The following PTGER3 variants were observed in gnomAD, a reference collection of about 807,000 sequenced individuals.
The protein encoded by PTGER3 is prostaglandin E2 receptor EP3 subtype.
PTGER3 carries 22 observed loss-of-function variants against 34.7 expected under a neutral mutation model. That is an observed-to-expected ratio of 0.63 (90% CI 0.45 to 0.91). The LOEUF is 0.91. Among genes scored for constraint, PTGER3 ranks in the 40% least tolerant of loss-of-function variants. PTGER3 has a pLI of 0.00. For missense variants in PTGER3, 468 were observed against 519.4 expected (o/e 0.90, Z 0.96); for synonymous variants, 241 against 230.1 (o/e 1.05, Z -0.43).
Position 70,985,275 on chromosome 1 carries a change from G to A in PTGER3, c.1078-10887C>T, listed in dbSNP as rs183706261. Reference sequence around the variant, plus strand: ...TGAGGTGTCACCGCATGCGTGTGTGGACATGAAGGAGAAAGCCAATTATGA... The same window carrying A: ...TGAGGTGTCACCGCATGCGTGTGTGAACATGAAGGAGAAAGCCAATTATGA... On this transcript the variant is annotated intron_variant, in intron 2 of 3. Coordinates refer to ENST00000306666, the MANE Select transcript of PTGER3 (RefSeq NM_198719.2). Among the ~76,000 whole-genome samples the A allele has an allele frequency of 1.6e-3, 241 of 152,194 alleles. 4 individuals are homozygous for A. Among genetic ancestry groups the A allele is most frequent in the African/African-American group, 5.4e-3 (224 of 41,512 alleles).
At chr1:70,933,128 T>C (rs1648880671) in intron 4 of PTGER3, among the ~76,000 whole-genome samples, 1 of 152,176 alleles carries the variant, frequency 6.6e-6, no homozygotes, top group African/African-American at 2.4e-5. Flanking sequence ...GTATCTTACT[T>C]ATTTGTGTAA....
intron 4 of PTGER3, among the ~76,000 whole-genome samples, chr1:70,923,525 T>C (rs1355472813): frequency 6.6e-6 from 1 of 152,196 alleles, no homozygotes; most frequent in Non-Finnish European, 1.5e-5. Flanking sequence ...TGGAGATTAT[T>C]ACGTTAGAAT....
chr1:70,902,077 T>G (rs1487777697), intron 4 of PTGER3, among the ~76,000 whole-genome samples: 1 of 152,058 alleles, frequency 6.6e-6, no homozygotes, highest in African/African-American at 2.4e-5. Context: ...GAAAAAAATA[T>G]ATTTTCACAG....
At chr1:70,982,832 C>T (rs1323084115) in intron 2 of PTGER3, among the ~76,000 whole-genome samples, 3 of 151,848 alleles carry the variant, frequency 2.0e-5, no homozygotes, top group South Asian at 2.1e-4. Context: ...TTGAAGTTCT[C>T]GGTAAAGACT....
At chr1:70,853,088 T>G (rs1645718012) in intron 4 of PTGER3, among the ~76,000 whole-genome samples, 1 of 152,032 alleles carries the variant, frequency 6.6e-6, no homozygotes, top group African/African-American at 2.4e-5. Context: ...GTGTAAAAAA[T>G]TTTTCTACAA....
At chr1:71,024,517 A>T (rs1163304433) in intron 1 of PTGER3, among the ~76,000 whole-genome samples, 1 of 152,128 alleles carries the variant, frequency 6.6e-6, no homozygotes, top group Non-Finnish European at 1.5e-5. Flanking sequence ...CCAGTAGATT[A>T]ATAAAGTTTT....
Position 70,911,842 on chromosome 1 carries a change from T to C in PTGER3, c.*23+41921A>G, listed in dbSNP as rs35515367. Reference sequence around the variant, plus strand: ...TGCCCCAGATGATAAATGTTTATAATCATTTTTCACTTTCAGCACATTGCC... The same window carrying C: ...TGCCCCAGATGATAAATGTTTATAACCATTTTTCACTTTCAGCACATTGCC... On this transcript the variant is annotated intron_variant, in intron 4 of 4. Coordinates refer to the PTGER3 transcript ENST00000370931. 1.1e-4 allele frequency among the ~76,000 whole-genome samples: 16 copies of C among 152,298 alleles called. No homozygotes were observed. The East Asian group carries it at 3.1e-3, about 29-fold the overall frequency.
chr1:70,901,291 A>G (rs908873409), intron 4 of PTGER3, among the ~76,000 whole-genome samples: 3 of 152,188 alleles, frequency 2.0e-5, no homozygotes, highest in Admixed American at 6.5e-5. Context: ...CTGTAAGACA[A>G]CATGTCATCA....
intron 4 of PTGER3, among the ~76,000 whole-genome samples, chr1:70,855,985 T>A (rs1165558870): frequency 6.6e-6 from 1 of 152,070 alleles, no homozygotes; most frequent in Middle Eastern, 3.2e-3. Flanking sequence ...GGACAAGGAT[T>A]TTCACGGTAG....
intron 1 of PTGER3, among the ~76,000 whole-genome samples, chr1:71,037,538 A>C (rs1659945591): frequency 6.6e-6 from 1 of 152,200 alleles, no homozygotes; most frequent in Non-Finnish European, 1.5e-5. Flanking sequence ...AGAATGTGTG[A>C]TCTATTTTGT....
chr1:70,929,061 A>G (rs1288938408), intron 4 of PTGER3, among the ~76,000 whole-genome samples: 1 of 152,158 alleles, frequency 6.6e-6, no homozygotes, highest in African/African-American at 2.4e-5. Flanking sequence ...GACAGCTGCA[A>G]ACTAGAGTTT....
chr1:71,039,275 T>C (rs1660081719), intron 1 of PTGER3, among the ~76,000 whole-genome samples: 1 of 151,868 alleles, frequency 6.6e-6, no homozygotes, highest in Non-Finnish European at 1.5e-5. Flanking sequence ...GTTAGAGAGC[T>C]AACTAGAAGC....
At chr1:71,011,259 C>G (rs1056051017) in intron 2 of PTGER3, 1 of 985,032 alleles carries the variant, frequency 1.0e-6, no homozygotes, top group Non-Finnish European at 1.2e-6. Context: ...TGTGAAGGGT[C>G]AATGTTATTA....
At chr1:70,865,057 T>G (rs2100504649) in intron 4 of PTGER3, among the ~76,000 whole-genome samples, 1 of 152,076 alleles carries the variant, frequency 6.6e-6, no homozygotes, top group East Asian at 1.9e-4. Flanking sequence ...AGGGAAAACA[T>G]TACAGGTGAT....
chr1:70,919,446 C>T (rs1287024180), intron 4 of PTGER3, among the ~76,000 whole-genome samples: 1 of 152,080 alleles, frequency 6.6e-6, no homozygotes, highest in Non-Finnish European at 1.5e-5. Context: ...CACAGCTGGT[C>T]AGAAAATACA....
intron 1 of PTGER3, among the ~76,000 whole-genome samples, chr1:71,019,572 T>C (rs565388022): frequency 1.3e-5 from 2 of 152,300 alleles, no homozygotes; most frequent in Admixed American, 1.3e-4. Flanking sequence ...CCTTGTTCCA[T>C]CCTAAAGGAA....
At chr1:70,984,635 G>A (rs183851341) in intron 2 of PTGER3, among the ~76,000 whole-genome samples, 1 of 151,382 alleles carries the variant, frequency 6.6e-6, no homozygotes. Flanking sequence ...GGGAGGATGA[G>A]AGGATCCCTT....
At chr1:70,982,641 T>C (rs1654495198) in intron 2 of PTGER3, among the ~76,000 whole-genome samples, 1 of 152,162 alleles carries the variant, frequency 6.6e-6, no homozygotes, top group African/African-American at 2.4e-5. Context: ...AAGTCTCCTG[T>C]CATGTTTCCA....
chr1:71,012,094 T>C (rs1657495364), intron 2 of PTGER3: 1 of 1,499,128 alleles, frequency 6.7e-7, no homozygotes, highest in Non-Finnish European at 8.8e-7. Flanking sequence ...CCATTTAGCT[T>C]TATACCAAAA....
Sources: gnomAD v4.1 joint callset for allele counts (sites outside exome capture counted in the v4.1 genomes callset) on GRCh38, gnomAD v4.1.1 for gene constraint, MANE v1.5 for transcripts, NCBI Gene and HGNC (gene_info 2026-07-23, HGNC 2026-07-21) for gene names.